Variants in GLOD4 observed in about 807,000 individuals in gnomAD.
GLOD4 encodes the protein glyoxalase domain-containing protein 4.
In GLOD4, 44 loss-of-function variants were observed where a neutral mutation model predicts 39.1. The ratio of observed to expected loss-of-function variants is 1.13; its 90% CI spans 0.88 to 1.45. The LOEUF (loss-of-function observed/expected upper bound fraction) is 1.45, where lower values mean the gene tolerates loss of function less well. Among genes scored for constraint, GLOD4 ranks in the 40% most tolerant of loss-of-function variants. The probability of loss-of-function intolerance (pLI) is 0.00; values close to 1 mark genes in which losing one functional copy is unlikely to be tolerated. For missense variants in GLOD4, 405 were observed against 366.4 expected, an observed-to-expected ratio of 1.11 and a Z score of -0.86; for synonymous variants, 145 against 135.0, an observed-to-expected ratio of 1.07 and a Z score of -0.52.
chr17:769,075 T>C (rs1288248551), intron 8 of GLOD4, among the ~76,000 whole-genome samples: 1 of 152,204 alleles, frequency 6.6e-6, no homozygotes, highest in Non-Finnish European at 1.5e-5. Context: ...AATAACTCAC[T>C]GGAAAGAAGA....
chr17:781,317 T>C (rs1456234148), intron 1 of GLOD4, among the ~76,000 whole-genome samples: 1 of 152,206 alleles, frequency 6.6e-6, no homozygotes, highest in African/African-American at 2.4e-5. Context: ...GGTTTTTCAC[T>C]ATCAAATTCT....
rs770035218 is a variant in GLOD4, at chr17:776,983, T to G, written c.146A>C (p.Tyr49Ser). The G allele has an allele frequency of 8.1e-6, 13 of 1,610,194 alleles. No homozygotes were observed. In the South Asian group the frequency reaches 1.4e-4, roughly 18 times the overall value. Reference sequence around the variant, plus strand: ...CATTGTTTTACTCCATTTCCCATCATAAGGCCTAGAAAATAAAAGTAAATG... The same window carrying G: ...CATTGTTTTACTCCATTTCCCATCAGAAGGCCTAGAAAATAAAAGTAAATG... ...EGCKAACNGPYDGKWSKTMVG... is the reference protein window; with the variant it reads ...EGCKAACNGPSDGKWSKTMVG... Residue 49 changes from tyrosine to serine, a missense_variant, in exon 3 of 9, where the codon TAT (tyrosine) becomes TCT (serine). Transcript: ENST00000301329.
At chr17:777,135 A>G (rs1909100855) in intron 2 of GLOD4, 147 bp from the exon 3 acceptor site, 1 of 705,476 alleles carries the variant, frequency 1.4e-6, no homozygotes, top group Admixed American at 2.4e-5. Flanking sequence ...ATGGTACAGA[A>G]AGCAGCTGTG....
At chr17:779,669 T>G (rs1360617514) in intron 1 of GLOD4, among the ~76,000 whole-genome samples, 1 of 151,854 alleles carries the variant, frequency 6.6e-6, no homozygotes, top group African/African-American at 2.4e-5. Flanking sequence ...TTTGGAATTC[T>G]GTCATTTAGT....
At position 770,522 on chromosome 17, in the gene GLOD4, G is replaced by C. The variant is rs373606114; in HGVS notation, c.544-15C>G. 2 of 1,325,572 alleles carry C rather than the reference G, an allele frequency of 1.5e-6. No homozygotes were observed. Among genetic ancestry groups the C allele is most frequent in the Admixed American group, 1.7e-5 (1 of 59,684 alleles). The allele number at this position is 1,325,572 out of a possible 1,614,324, so 82.1% of individuals were successfully genotyped here. A position where few individuals can be genotyped will look rare whatever the true frequency, so the allele number is the denominator to read the frequency against. On this transcript the variant is annotated splice_polypyrimidine_tract_variant and intron_variant, in intron 5 of 8. Coordinates refer to ENST00000301329, the MANE Select transcript of GLOD4 (RefSeq NM_016080.4). ...TCCAGCTTACACTGAAATAGGAAAG[G>C]GGGTTATTTTTTGGAACAGGTTATA...
intron 1 of GLOD4, among the ~76,000 whole-genome samples, chr17:779,826 C>G (rs1909579944): frequency 6.6e-6 from 1 of 152,136 alleles, no homozygotes; most frequent in Non-Finnish European, 1.5e-5. Context: ...ATTCCCACGG[C>G]TCCTGCCAGT....
At chr17:782,674 C>T, upstream of GLOD4, 1 of 1,605,350 alleles carries the variant, frequency 6.2e-7, no homozygotes, top group East Asian at 2.2e-5. Flanking sequence ...AAAGCTTATC[C>T]CGGGGACAGG....
chr17:760,214 C>A lies in GLOD4; in HGVS notation c.856G>T (p.Glu286Ter). ...GGTTTATTGTGTTTGGCAAACCACT[C>A]GTCACTTTTATCTGCTGCCATTGCC... is the stretch of plus-strand genomic sequence containing the variant. The part of the protein sequence containing the change: ...DDAMAADKSD[E>*]WFAKHNKPKA... The change falls in exon 9 of 9, where the codon GAG becomes TAG. Residue 286 changes from glutamate (E) to a stop codon, truncating the protein, a stop_gained. Transcript: ENST00000301329. LOFTEE classifies it high-confidence loss of function. The A allele has an allele frequency of 6.3e-7, 1 of 1,596,722 alleles. No homozygotes were observed. The highest frequency in any genetic ancestry group is 1.1e-5 in the South Asian group (1 of 90,742).
chr17:763,907 C>T (rs1353824250), intron 8 of GLOD4: 1 of 152,192 alleles, frequency 6.6e-6, no homozygotes, highest in Non-Finnish European at 1.5e-5. Context: ...TCTTCAAAAA[C>T]TCAATTAATG....
At chr17:777,996 C>T (rs1025632035) in intron 2 of GLOD4, among the ~76,000 whole-genome samples, 1 of 152,152 alleles carries the variant, frequency 6.6e-6, no homozygotes, top group African/African-American at 2.4e-5. Flanking sequence ...AACAATGAGA[C>T]TCATGAGCTT....
chr17:764,925 T>G (rs1438170621), intron 8 of GLOD4: 1 of 150,858 alleles, frequency 6.6e-6, no homozygotes, highest in African/African-American at 2.4e-5. Context: ...GAGAATGGCG[T>G]GAACCCGGGA....
Position 772,056 on chromosome 17 carries a change from G to A in GLOD4, c.407-595C>T, listed in dbSNP as rs550815804. Among the ~76,000 whole-genome samples the A allele has an allele frequency of 2.0e-5, 3 of 148,966 alleles. No individual in the cohort carries two copies. The East Asian group carries it at 5.9e-4, about 29-fold the overall frequency. ...AAAAAAAGATTAGACAGGCGTGGTG[G>A]CTCATGTGTGTATTCCCAGCCACTT... On this transcript the variant is annotated intron_variant, in intron 4 of 8. Coordinates refer to ENST00000301329, the MANE Select transcript of GLOD4 (RefSeq NM_016080.4).
rs966594547 is a variant in GLOD4 at position 763,552 on chromosome 17, C to T, written c.832-3314G>A. ...TAAATAAATAAATAAAAATAAAGCA[C>T]TTAAGAACGTACCGATATAGTAGCA... On this transcript the variant is annotated intron_variant, in intron 8 of 8. Coordinates refer to ENST00000301329, the MANE Select transcript of GLOD4 (RefSeq NM_016080.4). 5 of 151,996 alleles carry T rather than the reference C, an allele frequency of 3.3e-5. No individual in the cohort carries two copies. The East Asian group carries it at 5.8e-4, about 18-fold the overall frequency. 9.4% of individuals were successfully genotyped at this position (151,996 alleles called of 1,614,324 possible). A position where few individuals can be genotyped will look rare whatever the true frequency, so the allele number is the denominator to read the frequency against.
At chr17:780,686 T>C (rs1249025345) in intron 1 of GLOD4, 1 of 139,218 alleles carries the variant, frequency 7.2e-6, no homozygotes. Context: ...GAGCTTACAG[T>C]GAGCCGAGAT....
At chr17:768,900 C>G (rs1406834099) in intron 8 of GLOD4, among the ~76,000 whole-genome samples, 1 of 149,508 alleles carries the variant, frequency 6.7e-6, no homozygotes, top group East Asian at 2.0e-4. Context: ...GAGAGAGAAA[C>G]AGCGCGCACT....
chr17:767,220 A>G (rs181652083), intron 8 of GLOD4, among the ~76,000 whole-genome samples: 111 of 152,340 alleles, frequency 7.3e-4, no homozygotes, highest in African/African-American at 2.6e-3. Context: ...AGAACCAAGA[A>G]AGACCAATTT....
At position 770,428 on chromosome 17, in the gene GLOD4, T is replaced by TG; in HGVS notation, c.622dup (p.Gln208ProfsTer42). ...TCTGGTATCAAGCGTTACCTCTTTC[T>TG]GGGGGCAAGAGAAGGCAATTCTTCC... On this transcript the variant is annotated frameshift_variant, in exon 6 of 9. Transcript: ENST00000301329. LOFTEE classifies it high-confidence loss of function. 2 of 1,528,592 alleles carry TG rather than the reference T, an allele frequency of 1.3e-6. No individual in the cohort carries two copies. Among genetic ancestry groups the TG allele is most frequent in the Non-Finnish European group, 1.8e-6 (2 of 1,101,796 alleles). The allele number at this position is 1,528,592 out of a possible 1,614,324, so 94.7% of individuals were successfully genotyped here. A position where few individuals can be genotyped will look rare whatever the true frequency, so the allele number is the denominator to read the frequency against.
intron 4 of GLOD4, among the ~76,000 whole-genome samples, 156 bp downstream of exon 4, chr17:775,619 T>C (rs1908771772): frequency 6.6e-6 from 1 of 152,216 alleles, no homozygotes; most frequent in Admixed American, 6.5e-5. Context: ...AGTTCTGATA[T>C]GAGAATGTAG....
intron 8 of GLOD4, among the ~76,000 whole-genome samples, chr17:766,712 C>A (rs1374198746): frequency 2.0e-5 from 3 of 151,956 alleles, no homozygotes; most frequent in African/African-American, 7.3e-5. Flanking sequence ...CCAGCCTGGC[C>A]AACCTGGCAA....
Sources: gnomAD v4.1 joint callset for allele counts (sites outside exome capture counted in the v4.1 genomes callset) on GRCh38, gnomAD v4.1.1 for gene constraint, MANE v1.5 for transcripts, NCBI Gene and HGNC (gene_info 2026-07-23, HGNC 2026-07-21) for gene names.